The following CLCN4 variants were observed in gnomAD, a reference collection of about 807,000 sequenced individuals.
The protein encoded by CLCN4 is H(+)/Cl(-) exchange transporter 4.
Under a neutral mutation model 41.7 loss-of-function variants are expected in CLCN4, and 1 was observed. The ratio of observed to expected loss-of-function variants is 0.02; its 90% confidence interval spans 0.01 to 0.11. The LOEUF (loss-of-function observed/expected upper bound fraction) is 0.11. Ranked by LOEUF, CLCN4 falls within the 10% of genes least tolerant of loss-of-function variation. The probability of loss-of-function intolerance (pLI) is 1.00; values close to 1 mark genes in which losing one functional copy is unlikely to be tolerated. For missense variants in CLCN4, 287 were observed against 661.0 expected (o/e 0.43, Z 6.20); for synonymous variants, 277 against 285.8 (o/e 0.97, Z 0.31).
intron 6 of CLCN4, among the ~76,000 whole-genome samples, chrX:10,199,583 TTG>T (rs1924184657): frequency 1.8e-5 from 2 of 111,398 alleles, no homozygotes; most frequent in Non-Finnish European, 3.8e-5. Flanking sequence ...CTCGTGTATT[TTG>T]TGTTTTCCTA....
intron 6 of CLCN4, among the ~76,000 whole-genome samples, chrX:10,203,148 T>C (rs1924285210): frequency 8.9e-6 from 1 of 112,381 alleles, no homozygotes; most frequent in Non-Finnish European, 1.9e-5. Flanking sequence ...TTTAGATGCT[T>C]GTAATTTTCT....
chrX:10,209,536 A>AT (rs1924492261), intron 9 of CLCN4, among the ~76,000 whole-genome samples: 1 of 108,985 alleles, frequency 9.2e-6, no homozygotes, highest in African/African-American at 3.4e-5. Context: ...ATTTAAAAAA[A>AT]TTTTTTGTAC....
At chrX:10,205,691 T>G in intron 6 of CLCN4, among the ~76,000 whole-genome samples, 1 of 105,903 alleles carries the variant, frequency 9.4e-6, no homozygotes, top group South Asian at 4.5e-4. Flanking sequence ...CACTGCAGCC[T>G]TGACCTTCCG....
chrX:10,212,773 C>T, intron 10 of CLCN4, 120 bp downstream of exon 10: 1 of 649,986 alleles, frequency 1.5e-6, no homozygotes, highest in Non-Finnish European at 2.3e-6. Flanking sequence ...GGTTGTGTGG[C>T]TATAACAAGT....
chrX:10,194,074 A>G (rs1430675162), intron 4 of CLCN4, among the ~76,000 whole-genome samples: 5 of 110,049 alleles, frequency 4.5e-5, no homozygotes, highest in African/African-American at 1.7e-4. Flanking sequence ...GGAGATGTAG[A>G]GCTGAGGTGG....
intron 12 of CLCN4, among the ~76,000 whole-genome samples, chrX:10,228,416 C>T (rs950522043): frequency 2.7e-5 from 3 of 110,631 alleles, no homozygotes; most frequent in Non-Finnish European, 5.7e-5. Context: ...CCCTGCCAGC[C>T]GACCCTGACC....
At chrX:10,179,584 G>A (rs992477598) in intron 2 of CLCN4, among the ~76,000 whole-genome samples, 2 of 111,073 alleles carry the variant, frequency 1.8e-5, no homozygotes, top group Non-Finnish European at 3.8e-5. Context: ...AAGCTCAGTT[G>A]GACCACCACA....
At chrX:10,206,822 C>A in intron 8 of CLCN4, 46 bp downstream of exon 8, 1 of 931,739 alleles carries the variant, frequency 1.1e-6, no homozygotes, top group Non-Finnish European at 1.5e-6. Flanking sequence ...AGCAGCAAGG[C>A]CCGTTGAGGG....
intron 3 of CLCN4, among the ~76,000 whole-genome samples, chrX:10,185,807 G>T (rs1923794238): frequency 8.9e-6 from 1 of 111,760 alleles, no homozygotes; most frequent in African/African-American, 3.3e-5. Context: ...GGGAGGGATA[G>T]GGATGAGTGT....
Position 10,194,972 on chromosome X carries a change from C to G in CLCN4, c.306C>G (p.Val102=), listed in dbSNP as rs150746088. The G allele has an allele frequency of 2.0e-5, 24 of 1,209,446 alleles. No individual in the cohort carries two copies. The African/African-American group carries it at 3.9e-4, about 19-fold the overall frequency. ...VDWMTDLKEG[V]CLSAFWYSHE... is the part of the protein sequence containing the mutation. ...GGATGACGGACCTGAAGGAGGGGGTCTGCCTGTCTGCCTTCTGGTATAGCC... is the reference window on the plus strand; with the variant it reads ...GGATGACGGACCTGAAGGAGGGGGTGTGCCTGTCTGCCTTCTGGTATAGCC... Residue 102 remains valine (V), a synonymous_variant, in exon 5 of 13, where the codon GTC becomes GTG. Transcript: ENST00000380833.
intron 12 of CLCN4, among the ~76,000 whole-genome samples, chrX:10,233,287 A>C (rs1414055346): frequency 8.9e-6 from 1 of 111,781 alleles, no homozygotes; most frequent in African/African-American, 3.3e-5. Flanking sequence ...GTGGGGGGAA[A>C]TGCACAGGAG....
At chrX:10,227,616 C>A (rs1039184423) in intron 12 of CLCN4, among the ~76,000 whole-genome samples, 1 of 111,716 alleles carries the variant, frequency 9.0e-6, no homozygotes, top group Non-Finnish European at 1.9e-5. Context: ...AATTTTAGAT[C>A]ATTTTCATCA....
At chrX:10,207,308 A>G (rs1014730501) in intron 8 of CLCN4, among the ~76,000 whole-genome samples, 2 of 112,502 alleles carry the variant, frequency 1.8e-5, no homozygotes, top group Non-Finnish European at 3.8e-5. Context: ...TCCCTCTCAT[A>G]ACCAACTTAA....
At chrX:10,163,224 G>A (rs889501943) in intron 2 of CLCN4, among the ~76,000 whole-genome samples, 15 of 112,589 alleles carry the variant, frequency 1.3e-4, no homozygotes, top group African/African-American at 3.5e-4. Context: ...GTGTGATGAC[G>A]CATCTCTTCT....
At chrX:10,201,472 A>G (rs753512474) in intron 6 of CLCN4, among the ~76,000 whole-genome samples, 4 of 111,790 alleles carry the variant, frequency 3.6e-5, no homozygotes, top group Non-Finnish European at 3.8e-5. Flanking sequence ...CAGTTCTTGG[A>G]GGAGAGGGTC....
chrX:10,173,866 A>G (rs1444230795), intron 2 of CLCN4, among the ~76,000 whole-genome samples: 1 of 112,137 alleles, frequency 8.9e-6, no homozygotes, highest in Non-Finnish European at 1.9e-5. Flanking sequence ...AGGAACTGGA[A>G]GGCGTCTGTC....
At chrX:10,207,050 G>A (rs1367570100) in intron 8 of CLCN4, among the ~76,000 whole-genome samples, 1 of 110,781 alleles carries the variant, frequency 9.0e-6, no homozygotes, top group Admixed American at 9.6e-5. Flanking sequence ...CTCCTGAGTA[G>A]CTGGGACTAT....
chrX:10,206,858 G>C (rs1265383089), intron 8 of CLCN4, 82 bp downstream of exon 8: 1 of 651,324 alleles, frequency 1.5e-6, no homozygotes, highest in Admixed American at 3.5e-5. Flanking sequence ...TATTGGATAA[G>C]ATTCCGGCAG....
rs61453535 is a variant in CLCN4 at position 10,204,613 on chromosome X, CTTTTTTTTTTTTT to C, written c.556-1721_556-1709del. Among the ~76,000 whole-genome samples the C allele has an allele frequency of 6.3e-3, 173 of 27,340 alleles. No individual in the cohort carries two copies. The East Asian group carries it at 0.08, about 13-fold the overall frequency. 23.7% of individuals were successfully genotyped at this position (27,340 alleles called of 115,157 possible). ...CTATTCTCACCAGAAAGCTAGTAGT[CTTTTTTTTTTTTT>C]TTTTTTTTTTTTTTTTTTTTTTTAC... On this transcript the variant is annotated intron_variant, in intron 6 of 12. Transcript: ENST00000380833.
Sources: gnomAD v4.1 joint callset for allele counts (sites outside exome capture counted in the v4.1 genomes callset) on GRCh38, gnomAD v4.1.1 for gene constraint, MANE v1.5 for transcripts, NCBI Gene and HGNC (gene_info 2026-07-23, HGNC 2026-07-21) for gene names.